TNFRSF21: variants seen among roughly 807,000 people sequenced by gnomAD.
TNFRSF21 encodes tumor necrosis factor receptor superfamily member 21.
A neutral mutation model predicts 45.6 loss-of-function variants in TNFRSF21; 19 were observed. The ratio of observed to expected loss-of-function variants is 0.42; its 90% CI spans 0.29 to 0.61. The LOEUF (loss-of-function observed/expected upper bound fraction) is 0.61. Among genes scored for constraint, TNFRSF21 ranks in the 20% least tolerant of loss-of-function variants. The probability of loss-of-function intolerance (pLI) is 0.23; values close to 1 mark genes in which losing one functional copy is unlikely to be tolerated. For missense variants in TNFRSF21, 737 were observed against 851.5 expected (o/e 0.87, Z 1.67); for synonymous variants, 314 against 335.5 (o/e 0.94, Z 0.70).
At chr6:47,245,597 AT>A (rs539323635) in intron 4 of TNFRSF21, among the ~76,000 whole-genome samples, 6 of 151,824 alleles carry the variant, frequency 4.0e-5, no homozygotes, top group South Asian at 2.1e-4. Context: ...TATGATGCAT[AT>A]TTTTTTCACA....
chr6:47,283,457 G>T (rs1041584032), intron 3 of TNFRSF21, among the ~76,000 whole-genome samples: 2 of 152,178 alleles, frequency 1.3e-5, no homozygotes, highest in Non-Finnish European at 2.9e-5. Flanking sequence ...TAAAAGCAAG[G>T]TTCTGACTGA....
Position 47,232,167 on chromosome 6 carries a change from A to T in TNFRSF21, c.*598T>A, listed in dbSNP as rs931138262. On this transcript the variant is annotated 3_prime_UTR_variant, in exon 6 of 6. Coordinates refer to ENST00000296861, the MANE Select transcript of TNFRSF21 (RefSeq NM_014452.5). Reference sequence around the variant, plus strand: ...GAACTATACAAGACATATTTAAAAGATAACTCAAAGTTGAATTGCATTACA... The same window carrying T: ...GAACTATACAAGACATATTTAAAAGTTAACTCAAAGTTGAATTGCATTACA... 1 of 152,740 alleles carries T rather than the reference A, an allele frequency of 6.5e-6. No homozygotes were observed. Among genetic ancestry groups the T allele is most frequent in the African/African-American group, 2.4e-5 (1 of 41,462 alleles). The allele number at this position is 152,740 out of a possible 1,614,324, so 9.5% of individuals were successfully genotyped here.
chr6:47,243,908 A>G (rs536658382), intron 4 of TNFRSF21, among the ~76,000 whole-genome samples: 38 of 152,318 alleles, frequency 2.5e-4, no homozygotes, highest in Admixed American at 9.1e-4. Flanking sequence ...ACATGACACT[A>G]CAATGAATAT....
At chr6:47,241,571 T>G (rs1764743406) in intron 4 of TNFRSF21, among the ~76,000 whole-genome samples, 1 of 152,054 alleles carries the variant, frequency 6.6e-6, no homozygotes, top group Non-Finnish European at 1.5e-5. Flanking sequence ...TTATAAGAAA[T>G]TTAGAGAAAG....
intron 3 of TNFRSF21, among the ~76,000 whole-genome samples, chr6:47,273,725 C>T (rs1762459028): frequency 6.6e-6 from 1 of 152,058 alleles, no homozygotes; most frequent in Non-Finnish European, 1.5e-5. Context: ...TCAAATTGTC[C>T]CTGTTTGCAG....
chr6:47,307,280 T>C (rs1762952860), intron 1 of TNFRSF21, among the ~76,000 whole-genome samples: 1 of 152,220 alleles, frequency 6.6e-6, no homozygotes, highest in Non-Finnish European at 1.5e-5. Context: ...AGCCCCATTA[T>C]AAATTTTATC....
rs374502391 is a variant in TNFRSF21 at position 47,291,550 on chromosome 6, A to G, written c.97-4955T>C. Among the ~76,000 whole-genome samples the G allele has an allele frequency of 1.2e-4, 19 of 152,312 alleles. 1 individual carries two copies. The South Asian group carries it at 3.1e-3, about 25-fold the overall frequency. On this transcript the variant is annotated intron_variant, in intron 1 of 5. Transcript: ENST00000296861. ...TGAATGATTACTTACAGAAGGGGAA[A>G]GAGGAAGAAATCAGTGGTTTTCAAA...
At chr6:47,301,589 G>A (rs1461083670) in intron 1 of TNFRSF21, among the ~76,000 whole-genome samples, 3 of 152,232 alleles carry the variant, frequency 2.0e-5, no homozygotes, top group Admixed American at 1.3e-4. Flanking sequence ...TGTCATGAAC[G>A]GCTTGGCATT....
chr6:47,234,860 G>A lies in TNFRSF21; in HGVS notation c.1548C>T (p.Ser516=). 6.9e-7 allele frequency: 1 copy of A among 1,445,224 alleles called. No individual in the cohort carries two copies. 89.5% of individuals were successfully genotyped at this position (1,445,224 alleles called of 1,614,324 possible). A position where few individuals can be genotyped will look rare whatever the true frequency, so the allele number is the denominator to read the frequency against. The change falls in exon 5 of 6, where the codon AGC becomes AGT. Residue 516 remains serine (S), a synonymous_variant. Coordinates refer to ENST00000296861, the MANE Select transcript of TNFRSF21 (RefSeq NM_014452.5). ...TGGGGATGGGGCTCGGGCTAAGCGGGCTGGGGCTCATCGGGAGAGCTAGTT... is the reference window on the plus strand; with the variant it reads ...TGGGGATGGGGCTCGGGCTAAGCGGACTGGGGCTCATCGGGAGAGCTAGTT... ...TDKLALPMSP[S]PLSPSPIPSP...
chr6:47,246,680 A>G (rs770168035), intron 4 of TNFRSF21, among the ~76,000 whole-genome samples: 11 of 152,238 alleles, frequency 7.2e-5, no homozygotes, highest in Non-Finnish European at 1.5e-4. Flanking sequence ...GGATGTAAGT[A>G]AAACAGACGT....
chr6:47,242,945 A>G (rs1336153922), intron 4 of TNFRSF21, among the ~76,000 whole-genome samples: 1 of 152,250 alleles, frequency 6.6e-6, no homozygotes, highest in Non-Finnish European at 1.5e-5. Context: ...AATTCTATCC[A>G]TGAGAAAAAG....
At chr6:47,276,813 C>T (rs1484593465) in intron 3 of TNFRSF21, among the ~76,000 whole-genome samples, 1 of 152,204 alleles carries the variant, frequency 6.6e-6, no homozygotes. Context: ...TCTAAAGCCA[C>T]TGAAGAGTCT....
intron 1 of TNFRSF21, among the ~76,000 whole-genome samples, chr6:47,308,608 A>C (rs1157940877): frequency 6.6e-6 from 1 of 152,220 alleles, no homozygotes; most frequent in Non-Finnish European, 1.5e-5. Context: ...GGGAGACTGC[A>C]CCACCCTGCA....
chr6:47,277,798 C>G (rs1762519724), intron 3 of TNFRSF21, among the ~76,000 whole-genome samples: 1 of 152,088 alleles, frequency 6.6e-6, no homozygotes, highest in Non-Finnish European at 1.5e-5. Flanking sequence ...AATTTTAGAA[C>G]CCAGGTTTAT....
chr6:47,288,384 G>A (rs1452323035), intron 1 of TNFRSF21, among the ~76,000 whole-genome samples: 2 of 152,318 alleles, frequency 1.3e-5, no homozygotes, highest in South Asian at 2.1e-4. Context: ...AGAAGGTACA[G>A]TGATTAGAGG....
chr6:47,302,337 G>A (rs1199225852), intron 1 of TNFRSF21, among the ~76,000 whole-genome samples: 14 of 152,128 alleles, frequency 9.2e-5, no homozygotes, highest in Non-Finnish European at 5.9e-5. Flanking sequence ...CAAATAACTA[G>A]GCTGACAGCA....
intron 3 of TNFRSF21, among the ~76,000 whole-genome samples, chr6:47,256,287 G>A (rs1764987491): frequency 6.6e-6 from 1 of 152,232 alleles, no homozygotes; most frequent in African/African-American, 2.4e-5. Flanking sequence ...ACTTTGGGAG[G>A]TTGAGGCAGG....
intron 4 of TNFRSF21, among the ~76,000 whole-genome samples, chr6:47,249,057 C>T (rs554553118): frequency 7.2e-5 from 11 of 152,264 alleles, no homozygotes; most frequent in Admixed American, 2.6e-4. Flanking sequence ...GGATTTAACC[C>T]GGCACACGTC....
rs369545253 is a variant in TNFRSF21, at chr6:47,289,114, C to T, written c.97-2519G>A. 1.2e-4 allele frequency among the ~76,000 whole-genome samples: 19 copies of T among 152,316 alleles called. 1 individual carries two copies. The South Asian group carries it at 3.1e-3, about 25-fold the overall frequency. ...AATATTGAAAAGTTCCAACAGTTTT[C>T]ACTATCCTTTATGAAATGCACAAAG... On this transcript the variant is annotated intron_variant, in intron 1 of 5. Transcript: ENST00000296861.
Sources: allele counts gnomAD v4.1 joint callset (sites outside exome capture counted in the v4.1 genomes callset), GRCh38; gene constraint gnomAD v4.1.1; transcripts MANE v1.5; gene names NCBI Gene and HGNC (gene_info 2026-07-23, HGNC 2026-07-21).